The following YAE1 variants were observed in gnomAD, a reference collection of about 807,000 sequenced individuals.
YAE1 encodes the protein YAE1 maturation factor of ABCE1, also known as protein YAE1 homolog.
A neutral mutation model predicts 23.0 loss-of-function variants in YAE1; 22 were observed. The ratio of observed to expected loss-of-function variants is 0.96; its 90% CI spans 0.68 to 1.37. The LOEUF (loss-of-function observed/expected upper bound fraction) is 1.37. YAE1 is among the 40% of genes most tolerant of loss of function. YAE1 has a pLI of 0.00. For synonymous variants in YAE1, 101 were observed against 97.0 expected, an observed-to-expected ratio of 1.04 and a Z score of -0.24; for missense variants, 260 against 262.1, an observed-to-expected ratio of 0.99 and a Z score of 0.06.
chr7:39,573,344 T>C (rs531963793), downstream of YAE1, among the ~76,000 whole-genome samples: 1 of 152,326 alleles, frequency 6.6e-6, no homozygotes, highest in Admixed American at 6.5e-5. Flanking sequence ...TACTTAGTTT[T>C]TCTAAGTAGT....
intron 1 of YAE1, 111 bp from the exon 2 acceptor site, chr7:39,570,395 A>G: frequency 7.8e-7 from 1 of 1,275,748 alleles, no homozygotes; most frequent in South Asian, 1.3e-5. Context: ...ATGGTCAGTA[A>G]CACAGTAAAG....
downstream of YAE1, among the ~76,000 whole-genome samples, chr7:39,574,431 C>T (rs1267228270): frequency 6.6e-6 from 1 of 151,978 alleles, no homozygotes; most frequent in Admixed American, 6.6e-5. Context: ...GACTTTGTCT[C>T]TAGTAAAATG....
Position 39,572,415 on chromosome 7 carries a change from T to G in YAE1, c.390T>G (p.Val130=). The G allele has an allele frequency of 6.2e-7, 1 of 1,614,154 alleles. No homozygotes were observed. The highest frequency in any genetic ancestry group is 8.5e-7 in the Non-Finnish European group (1 of 1,179,986). Residue 130 remains valine (V), a synonymous_variant, in exon 3 of 3, where the codon GTT becomes GTG. Transcript: ENST00000223273. ...AATCAATCACTCCACCGTCCCATGT[T>G]GTAGATTTATTGGACTCCATTGAGG... ...HLKSITPPSH[V]VDLLDSIEDM...
chr7:39,611,374 A>G (rs1423953303), downstream of YAE1, among the ~76,000 whole-genome samples: 3 of 152,168 alleles, frequency 2.0e-5, no homozygotes, highest in South Asian at 6.2e-4. Context: ...CCAAGAGTTC[A>G]CTGGGTCCTG....
At chr7:39,598,398 C>T (rs947640338) in intron 2 of YAE1, among the ~76,000 whole-genome samples, 14 of 147,124 alleles carry the variant, frequency 9.5e-5, no homozygotes, top group Non-Finnish European at 1.2e-4. Flanking sequence ...CATAAGCCAC[C>T]GCACCTGGGC....
chr7:39,606,350 A>G (rs1166508164), intron 2 of YAE1, among the ~76,000 whole-genome samples: 1 of 152,238 alleles, frequency 6.6e-6, no homozygotes, highest in Non-Finnish European at 1.5e-5. Context: ...AAAATTTAGC[A>G]AATAGAAGAA....
At chr7:39,571,497 T>C (rs1790565504) in intron 2 of YAE1, among the ~76,000 whole-genome samples, 1 of 151,756 alleles carries the variant, frequency 6.6e-6, no homozygotes, top group African/African-American at 2.4e-5. Context: ...AACCGAAAAA[T>C]TTATTGTATT....
exon 3 of YAE1, chr7:39,609,656 G>T: frequency 6.5e-7 from 1 of 1,535,684 alleles, no homozygotes; most frequent in African/African-American, 1.4e-5. Flanking sequence ...TGAGAGCCCC[G>T]CTGAGGAGTC....
chr7:39,606,808 G>A (rs921248109), intron 2 of YAE1, among the ~76,000 whole-genome samples: 1 of 152,180 alleles, frequency 6.6e-6, no homozygotes, highest in Non-Finnish European at 1.5e-5. Context: ...TCATCAAATT[G>A]TATAACTGCA....
intron 2 of YAE1, among the ~76,000 whole-genome samples, chr7:39,584,001 G>T (rs901955362): frequency 6.6e-6 from 1 of 152,106 alleles, no homozygotes; most frequent in Non-Finnish European, 1.5e-5. Context: ...TGAATAAATT[G>T]TAAGAATTTG....
At chr7:39,592,587 T>A (rs1790916456) in intron 2 of YAE1, among the ~76,000 whole-genome samples, 1 of 152,152 alleles carries the variant, frequency 6.6e-6, no homozygotes, top group East Asian at 1.9e-4. Context: ...AAATCACAAG[T>A]TGAAGCATCA....
rs1212194944 is a variant in YAE1, at chr7:39,572,792, C to T, written c.*86C>T. 2.7e-6 allele frequency: 4 copies of T among 1,487,432 alleles called. No homozygotes were observed. In the East Asian group the frequency reaches 7.1e-5, roughly 26 times the overall value. The allele number at this position is 1,487,432 out of a possible 1,614,324, so 92.1% of individuals were successfully genotyped here. ...AATTTGTACTGGTTTCTGCATCAAA[C>T]ACCTCAACTGTAGGGTTACCCTTTA... is the stretch of plus-strand genomic sequence containing the variant. On this transcript the variant is annotated 3_prime_UTR_variant, in exon 3 of 3. Coordinates refer to ENST00000223273, the MANE Select transcript of YAE1 (RefSeq NM_020192.5).
rs191430527 is a variant in YAE1, at chr7:39,582,329, A to G, written c.251+11702A>G. 9.4e-4 allele frequency among the ~76,000 whole-genome samples: 143 copies of G among 152,184 alleles called. 1 individual carries two copies. The East Asian group carries it at 0.018, about 19-fold the overall frequency. ...ATTCTAGGCATGAGCCACCATGCCC[A>G]GCCAAAAAAAAAATTAGTTAAAAAT... On this transcript the variant is annotated intron_variant, in intron 2 of 2. Coordinates refer to the YAE1 transcript ENST00000432096.
intron 2 of YAE1, among the ~76,000 whole-genome samples, chr7:39,585,493 A>G (rs1463308636): frequency 2.0e-5 from 3 of 152,144 alleles, no homozygotes; most frequent in Non-Finnish European, 4.4e-5. Context: ...GAAAAAAACA[A>G]ACCAGCTGAC....
chr7:39,566,865 C>A (rs1008722978), intron 1 of YAE1: 2 of 236,434 alleles, frequency 8.5e-6, no homozygotes, highest in South Asian at 1.3e-4. Context: ...ATACACTATA[C>A]TTATTATGGC....
chr7:39,581,933 AT>A (rs138077761), intron 2 of YAE1, among the ~76,000 whole-genome samples: 7,369 of 150,248 alleles, frequency 0.049, 580 homozygotes, highest in African/African-American at 0.17. Context: ...GTAAAAGTTA[AT>A]TTTTTTTTTA....
At chr7:39,587,730 T>C (rs545866588) in intron 2 of YAE1, among the ~76,000 whole-genome samples, 88 of 152,260 alleles carry the variant, frequency 5.8e-4, no homozygotes, top group East Asian at 1.2e-3. Context: ...CTTCCTTTTA[T>C]TTTCTATATT....
In YAE1 at chr7:39,572,512, A is replaced by T; in HGVS notation, c.487A>T (p.Asn163Tyr). The T allele has an allele frequency of 6.2e-7, 1 of 1,614,164 alleles. No individual in the cohort carries two copies. The highest frequency in any genetic ancestry group is 8.5e-7 in the Non-Finnish European group (1 of 1,179,996). ...DEAKDERLCENNAEFNKNCSK... is the reference protein window; with the variant it reads ...DEAKDERLCEYNAEFNKNCSK... ...AGCTAAAGATGAAAGACTCTGTGAA[A>T]ATAATGCTGAGTTTAACAAAAACTG... Residue 163 changes from asparagine (N) to tyrosine (Y), a missense_variant, in exon 3 of 3, where the codon AAT (asparagine) becomes TAT (tyrosine). Coordinates refer to ENST00000223273, the MANE Select transcript of YAE1 (RefSeq NM_020192.5).
At chr7:39,591,873 C>G (rs1237149589) in intron 2 of YAE1, among the ~76,000 whole-genome samples, 1 of 152,156 alleles carries the variant, frequency 6.6e-6, no homozygotes, top group African/African-American at 2.4e-5. Context: ...AACCACTGAT[C>G]TTTTTACACT....
Sources: gnomAD v4.1 joint callset for allele counts (sites outside exome capture counted in the v4.1 genomes callset) on GRCh38, gnomAD v4.1.1 for gene constraint, MANE v1.5 for transcripts, NCBI Gene and HGNC (gene_info 2026-07-23, HGNC 2026-07-21) for gene names.